The following LRBA variants were observed in gnomAD, a reference collection of about 807,000 sequenced individuals.
The protein encoded by LRBA is LPS responsive beige-like anchor protein.
In LRBA, 176 loss-of-function variants were observed where a neutral mutation model predicts 330.0. That is an observed-to-expected ratio of 0.53 (90% CI 0.47 to 0.60). LRBA has a LOEUF of 0.60. LRBA is among the 20% of genes least tolerant of loss of function. LRBA has a pLI of 0.00. For synonymous variants in LRBA, 1,230 were observed against 1,193.0 expected (o/e 1.03, Z -0.64); for missense variants, 3,259 against 3,444.8 (o/e 0.95, Z 1.35).
chr4:150,760,554 A>AAC (rs143415433), intron 35 of LRBA, among the ~76,000 whole-genome samples: 15,671 of 147,884 alleles, frequency 0.11, 826 homozygotes, highest in African/African-American at 0.12. Context: ...ACACCTCTCC[A>AAC]ACACACACAC....
Position 150,960,051 on chromosome 4 carries a change from C to T in LRBA, c.217-30986G>A, listed in dbSNP as rs369626584. Among the ~76,000 whole-genome samples, 6 of 148,006 alleles carry T rather than the reference C, an allele frequency of 4.1e-5. 1 individual carries two copies. Among genetic ancestry groups the T allele is most frequent in the African/African-American group, 1.6e-4 (6 of 37,916 alleles). On this transcript the variant is annotated intron_variant, in intron 2 of 56. Coordinates refer to ENST00000651943, the MANE Select transcript of LRBA (RefSeq NM_001364905.1). ...TACCGGTGTGTACCACCATGCCTGG[C>T]TTATCTATGTATTAACTGTGCCACT...
At chr4:150,469,527 T>A (rs1026116746) in intron 43 of LRBA, among the ~76,000 whole-genome samples, 2 of 152,198 alleles carry the variant, frequency 1.3e-5, no homozygotes, top group Non-Finnish European at 2.9e-5. Flanking sequence ...CCATTAAACT[T>A]GTTATATAAG....
intron 36 of LRBA, among the ~76,000 whole-genome samples, chr4:150,692,362 G>A (rs1295650414): frequency 1.3e-5 from 2 of 151,998 alleles, no homozygotes; most frequent in African/African-American, 4.8e-5. Context: ...GGGACTAGAG[G>A]CATGCACCAC....
At chr4:150,277,681 C>G (rs1371515327) in intron 56 of LRBA, among the ~76,000 whole-genome samples, 172 bp downstream of exon 56, 1 of 151,402 alleles carries the variant, frequency 6.6e-6, no homozygotes, top group Non-Finnish European at 1.5e-5. Context: ...TTTTTTTTTT[C>G]TGTAGAGACA....
chr4:150,738,109 A>G (rs201028231), intron 35 of LRBA, among the ~76,000 whole-genome samples: 9 of 150,368 alleles, frequency 6.0e-5, no homozygotes, highest in Admixed American at 4.0e-4. Context: ...TCCTGCCTCA[A>G]CCTCCTGAGT....
intron 2 of LRBA, among the ~76,000 whole-genome samples, chr4:150,981,198 G>C (rs1740790444): frequency 6.6e-6 from 1 of 151,656 alleles, no homozygotes; most frequent in Admixed American, 6.6e-5. Flanking sequence ...CAGATCACAA[G>C]GTCCGAAGTT....
chr4:150,867,654 T>G lies in LRBA; in HGVS notation c.2766+17A>C, dbSNP rs1166090924. The G allele has an allele frequency of 1.9e-6, 3 of 1,581,956 alleles. No individual in the cohort carries two copies. Among genetic ancestry groups the G allele is most frequent in the Non-Finnish European group, 2.6e-6 (3 of 1,167,136 alleles). On this transcript the variant is annotated intron_variant, in intron 22 of 56. Transcript: ENST00000651943. Reference sequence around the variant, plus strand: ...GATATTTAAAATGCTACAATACGCTTTCATAAAGAAACTTACCTTTGAATG... The same window carrying G: ...GATATTTAAAATGCTACAATACGCTGTCATAAAGAAACTTACCTTTGAATG...
intron 53 of LRBA, among the ~76,000 whole-genome samples, chr4:150,286,629 TA>T (rs35599865): frequency 0.99 from 150,985 of 151,984 alleles, 74,997 homozygotes; most frequent in East Asian, 1. Flanking sequence ...AAGAAACACC[TA>T]AAAAAAAACC....
chr4:150,565,878 G>A (rs1262400448), intron 40 of LRBA, among the ~76,000 whole-genome samples: 3 of 152,006 alleles, frequency 2.0e-5, no homozygotes, highest in African/African-American at 7.2e-5. Flanking sequence ...CTTTAATTTA[G>A]TTTGCTTATT....
chr4:150,794,298 G>A (rs999285054), intron 34 of LRBA, among the ~76,000 whole-genome samples: 5 of 151,924 alleles, frequency 3.3e-5, no homozygotes, highest in African/African-American at 7.3e-5. Context: ...CTTTTTTGGG[G>A]GTGGTGGAAG....
intron 53 of LRBA, among the ~76,000 whole-genome samples, chr4:150,296,480 T>TA (rs1728990910): frequency 6.6e-6 from 1 of 152,172 alleles, no homozygotes; most frequent in Admixed American, 6.5e-5. Flanking sequence ...AAATTACTGT[T>TA]AAAAAATTAC....
intron 31 of LRBA, among the ~76,000 whole-genome samples, chr4:150,815,559 T>C (rs1390763232): frequency 6.6e-6 from 1 of 151,900 alleles, no homozygotes; most frequent in Non-Finnish European, 1.5e-5. Flanking sequence ...AGTCTATTAA[T>C]TTTTGGAAAA....
intron 44 of LRBA, 28 bp downstream of exon 44, chr4:150,467,645 A>G: frequency 7.8e-7 from 1 of 1,288,206 alleles, no homozygotes. Context: ...CAAGACAATT[A>G]TATTTCACAT....
chr4:150,637,001 T>C (rs1207572531), intron 37 of LRBA, among the ~76,000 whole-genome samples: 3 of 152,146 alleles, frequency 2.0e-5, no homozygotes, highest in African/African-American at 4.8e-5. Context: ...GACTAAAACA[T>C]TAACAGTGGC....
chr4:150,814,374 C>A (rs974792911), intron 31 of LRBA, among the ~76,000 whole-genome samples: 2 of 151,682 alleles, frequency 1.3e-5, no homozygotes, highest in African/African-American at 4.8e-5. Flanking sequence ...TAAAGTGGGG[C>A]GGCAGAAGAG....
At chr4:150,655,376 C>T (rs2126786975) in intron 37 of LRBA, among the ~76,000 whole-genome samples, 1 of 152,280 alleles carries the variant, frequency 6.6e-6, no homozygotes, top group South Asian at 2.1e-4. Context: ...ACTGGATGGA[C>T]ATTTTTATCC....
intron 46 of LRBA, among the ~76,000 whole-genome samples, chr4:150,425,556 G>A (rs1397461189): frequency 1.3e-5 from 2 of 152,144 alleles, no homozygotes; most frequent in African/African-American, 4.8e-5. Flanking sequence ...TAATGACAAG[G>A]ATTGGTTGTG....
In LRBA at chr4:150,460,119, C is replaced by T. The variant is rs191139458; in HGVS notation, c.6780+7554G>A. Reference sequence around the variant, plus strand: ...GATTCCCAGTGTATCTGTTACAGAGCAGACTAAAAGGACTGGCATTCATCA... The same window carrying T: ...GATTCCCAGTGTATCTGTTACAGAGTAGACTAAAAGGACTGGCATTCATCA... On this transcript the variant is annotated intron_variant, in intron 44 of 56. Coordinates refer to ENST00000651943, the MANE Select transcript of LRBA (RefSeq NM_001364905.1). Among the ~76,000 whole-genome samples, 6 of 151,758 alleles carry T rather than the reference C, an allele frequency of 4.0e-5. No homozygotes were observed. In the East Asian group the frequency reaches 1.2e-3, roughly 29 times the overall value.
At chr4:150,433,054 G>A (rs1187524568) in intron 46 of LRBA, among the ~76,000 whole-genome samples, 1 of 152,042 alleles carries the variant, frequency 6.6e-6, no homozygotes. Flanking sequence ...ATACACATTG[G>A]TGGAAAAATA....
Sources: gnomAD v4.1 joint callset for allele counts (sites outside exome capture counted in the v4.1 genomes callset) on GRCh38, gnomAD v4.1.1 for gene constraint, MANE v1.5 for transcripts, NCBI Gene and HGNC (gene_info 2026-07-23, HGNC 2026-07-21) for gene names.